Variants in IDO2 observed in about 807,000 individuals in gnomAD.
IDO2 encodes indoleamine 2,3-dioxygenase 2, also known as indoleamine 2,3-dioxygenase-like 1 protein.
IDO2 carries 46 observed loss-of-function variants against 45.1 expected under a neutral mutation model. The ratio of observed to expected loss-of-function variants is 1.02; its 90% CI spans 0.80 to 1.30. IDO2 has a LOEUF of 1.30. Ranked by LOEUF, IDO2 falls within the 50% of genes most tolerant of loss-of-function variation. IDO2 has a pLI of 0.00. For synonymous variants in IDO2, 218 were observed against 184.9 expected (o/e 1.18, Z -1.45); for missense variants, 544 against 491.8 (o/e 1.11, Z -1.00).
exon 1 of IDO2, chr8:39,935,064 A>G (rs1807525120): frequency 1.2e-6 from 1 of 860,118 alleles, no homozygotes; most frequent in Non-Finnish European, 2.0e-6. Context: ...TAAATATTTT[A>G]AAGACAAGGA....
intron 4 of IDO2, among the ~76,000 whole-genome samples, chr8:39,980,608 C>T (rs555358259): frequency 2.6e-5 from 4 of 152,178 alleles, no homozygotes; most frequent in East Asian, 1.9e-4. Context: ...TAGAACTCCA[C>T]GGTGAAGAGA....
chr8:39,949,010 T>A, intron 1 of IDO2, 139 bp from the exon 2 acceptor site: 1 of 1,100,578 alleles, frequency 9.1e-7, no homozygotes, highest in South Asian at 1.7e-5. Context: ...AGAAAGTCCA[T>A]GATGATCTGG....
chr8:39,980,216 A>G (rs1190543069), intron 4 of IDO2, among the ~76,000 whole-genome samples: 1 of 152,196 alleles, frequency 6.6e-6, no homozygotes, highest in Non-Finnish European at 1.5e-5. Flanking sequence ...CCTGTAAAGT[A>G]ACAAGAGCCA....
intron 2 of IDO2, among the ~76,000 whole-genome samples, chr8:39,956,492 T>C (rs1046278840): frequency 6.6e-5 from 10 of 152,224 alleles, no homozygotes; most frequent in African/African-American, 2.4e-4. Flanking sequence ...CCTTTATGCT[T>C]CTTGTTCTAG....
chr8:39,955,616 G>A (rs897575269), intron 2 of IDO2, among the ~76,000 whole-genome samples: 1 of 151,986 alleles, frequency 6.6e-6, no homozygotes, highest in Non-Finnish European at 1.5e-5. Context: ...ATACTCTGAC[G>A]ATAGCCATGA....
Position 40,015,972 on chromosome 8 carries a change from C to A in IDO2, c.*370C>A, listed in dbSNP as rs1258187669. 90 of 362,154 alleles carry A rather than the reference C, an allele frequency of 2.5e-4. No homozygotes were observed. The East Asian group carries it at 3.5e-3, about 14-fold the overall frequency. The allele number at this position is 362,154 out of a possible 1,614,324, so 22.4% of individuals were successfully genotyped here. A position where few individuals can be genotyped will look rare whatever the true frequency, so the allele number is the denominator to read the frequency against. The stretch of plus-strand genomic sequence containing the variant: ...ATTACTTGTTGATTTTCTTAAAAAA[C>A]AAATTCACTTAACAATTCATTAAGT... On this transcript the variant is annotated 3_prime_UTR_variant, in exon 11 of 11. Transcript: ENST00000502986.
chr8:40,013,100 T>C (rs772520432), intron 9 of IDO2, among the ~76,000 whole-genome samples: 5 of 152,142 alleles, frequency 3.3e-5, no homozygotes, highest in Non-Finnish European at 7.4e-5. Flanking sequence ...TCTGTGTGTA[T>C]CTGTGTATGT....
chr8:39,959,731 G>C (rs1388428259), intron 2 of IDO2, among the ~76,000 whole-genome samples: 1 of 152,190 alleles, frequency 6.6e-6, no homozygotes, highest in African/African-American at 2.4e-5. Context: ...GCTGAGGCAG[G>C]AGAATCTCTT....
intron 8 of IDO2, among the ~76,000 whole-genome samples, chr8:40,001,312 C>A (rs1168234650): frequency 7.6e-6 from 1 of 131,810 alleles, no homozygotes; most frequent in Non-Finnish European, 1.5e-5. Flanking sequence ...TGCAGTGGTG[C>A]GATCTTGGCT....
chr8:40,003,117 T>C (rs62511376), intron 8 of IDO2, among the ~76,000 whole-genome samples: 21 of 151,894 alleles, frequency 1.4e-4, no homozygotes, highest in African/African-American at 5.1e-4. Context: ...TATAAGAGAG[T>C]ATATCCCTTC....
intron 5 of IDO2, chr8:39,985,029 TTGAG>T: frequency 1.2e-5 from 4 of 341,546 alleles, no homozygotes; most frequent in Non-Finnish European, 2.2e-5. Context: ...CCTCCTGGGT[TTGAG>T]CAATTCTCCT....
At chr8:39,978,118 A>G (rs572136167) in intron 3 of IDO2, among the ~76,000 whole-genome samples, 1 of 152,208 alleles carries the variant, frequency 6.6e-6, no homozygotes. Context: ...CAGTCTGGCC[A>G]TGGGGAGGAC....
intron 1 of IDO2, among the ~76,000 whole-genome samples, chr8:39,939,684 G>A (rs73619541): frequency 1.6e-5 from 2 of 127,052 alleles, no homozygotes; most frequent in East Asian, 2.2e-4. Flanking sequence ...AAAATGTCAC[G>A]AAAATAAAAG....
chr8:39,950,583 G>T (rs553721481), intron 2 of IDO2, among the ~76,000 whole-genome samples: 41 of 152,270 alleles, frequency 2.7e-4, no homozygotes, highest in African/African-American at 9.1e-4. Context: ...TGCAGAAAGG[G>T]TGCTACTCAA....
In IDO2 at chr8:39,979,113, G is replaced by T. The variant is rs1302610612; in HGVS notation, c.242G>T (p.Arg81Leu). 8 of 1,601,952 alleles carry T rather than the reference G, an allele frequency of 5.0e-6. No homozygotes were observed. The highest frequency in any genetic ancestry group is 1.7e-5 in the Admixed American group (1 of 58,290). Reference sequence around the variant, plus strand: ...TTCCTGAAGGGTCACCGGGAGCAGCGCCTGGCCCACCTGGTCCTGAGCTTC... The same window carrying T: ...TTCCTGAAGGGTCACCGGGAGCAGCTCCTGGCCCACCTGGTCCTGAGCTTC... Residue 81 changes from arginine (R) to leucine (L), a missense_variant, in exon 4 of 11, where the codon CGC becomes CTC. By Grantham distance (102) the Arg-to-Leu change is moderately radical. Transcript: ENST00000502986.
At chr8:39,960,312 C>G (rs1807972121) in intron 2 of IDO2, among the ~76,000 whole-genome samples, 1 of 140,934 alleles carries the variant, frequency 7.1e-6, no homozygotes, top group African/African-American at 2.5e-5. Flanking sequence ...AAGTGAACTC[C>G]TTTAAACTCT....
intron 3 of IDO2, among the ~76,000 whole-genome samples, chr8:39,968,324 A>T (rs1251472588): frequency 6.6e-6 from 1 of 152,194 alleles, no homozygotes; most frequent in Non-Finnish European, 1.5e-5. Context: ...AACTAGAAGG[A>T]TTAAATATAG....
At chr8:39,959,122 T>C (rs904170886) in intron 2 of IDO2, among the ~76,000 whole-genome samples, 7 of 151,846 alleles carry the variant, frequency 4.6e-5, no homozygotes, top group African/African-American at 1.7e-4. Context: ...TTTTTTTTTT[T>C]TTTTTGAGAC....
chr8:39,972,407 G>C (rs931971519), intron 3 of IDO2, among the ~76,000 whole-genome samples: 3 of 151,912 alleles, frequency 2.0e-5, no homozygotes, highest in African/African-American at 7.2e-5. Context: ...TTGAGTTTGA[G>C]ACCAGCTTGG....
Sources: allele counts gnomAD v4.1 joint callset (sites outside exome capture counted in the v4.1 genomes callset), GRCh38; gene constraint gnomAD v4.1.1; transcripts MANE v1.5; gene names NCBI Gene and HGNC (gene_info 2026-07-23, HGNC 2026-07-21).